SLK: variants seen among roughly 807,000 people sequenced by gnomAD.
SLK encodes the protein STE20-like serine/threonine-protein kinase.
In SLK, 67 loss-of-function variants were observed where a neutral mutation model predicts 147.7. That is an observed-to-expected ratio of 0.45 (90% CI 0.37 to 0.56). SLK has a LOEUF of 0.56. SLK is among the 20% of genes least tolerant of loss of function. The probability of loss-of-function intolerance (pLI) is 0.00; values close to 1 mark genes in which losing one functional copy is unlikely to be tolerated. For missense variants in SLK, 1,136 were observed against 1,438.8 expected (o/e 0.79, Z 3.41); for synonymous variants, 441 against 475.0 (o/e 0.93, Z 0.93).
At position 103,987,161 on chromosome 10, in the gene SLK, A is replaced by G. The variant is rs1174048269; in HGVS notation, c.151-3514A>G. Among the ~76,000 whole-genome samples the G allele has an allele frequency of 2.3e-4, 35 of 152,144 alleles. 1 individual carries two copies. Among genetic ancestry groups the G allele is most frequent in the Non-Finnish European group, 5.9e-5 (4 of 68,018 alleles). On this transcript the variant is annotated intron_variant, in intron 1 of 18. Coordinates refer to ENST00000369755, the MANE Select transcript of SLK (RefSeq NM_014720.4). ...AGTAATCATGTTATTTTCAAGCAAT[A>G]ATTTGAGGCACTATTCTTTTAATGT...
intron 14 of SLK, 32 bp from the exon 15 acceptor site, chr10:104,018,752 A>G: frequency 6.3e-7 from 1 of 1,589,052 alleles, no homozygotes; most frequent in South Asian, 1.2e-5. Context: ...AAAAAAGAGC[A>G]AAGTGACATT....
intron 4 of SLK, 61 bp from the exon 5 acceptor site, chr10:103,998,838 A>G (rs1302612329): frequency 2.5e-6 from 3 of 1,199,470 alleles, no homozygotes; most frequent in Admixed American, 1.9e-5. Flanking sequence ...TTTTCTCCCC[A>G]TTGAATACAA....
intron 1 of SLK, among the ~76,000 whole-genome samples, chr10:103,988,287 C>T (rs950235877): frequency 6.6e-6 from 1 of 152,152 alleles, no homozygotes; most frequent in African/African-American, 2.4e-5. Flanking sequence ...CTTGCATCTG[C>T]TATTTTTCAA....
Position 103,992,643 on chromosome 10 carries a change from C to A in SLK, c.361C>A (p.Leu121Ile). 2 of 915,856 alleles carry A rather than the reference C, an allele frequency of 2.2e-6. No homozygotes were observed. Among genetic ancestry groups the A allele is most frequent in the Non-Finnish European group, 2.9e-6 (2 of 683,430 alleles). 56.7% of individuals were successfully genotyped at this position (915,856 alleles called of 1,614,324 possible). The change falls in exon 3 of 19, where the codon CTT becomes ATT. Residue 121 changes from leucine (L) to isoleucine (I), a missense_variant. Transcript: ENST00000369755. ...AGGTGGAGCAGTAGATGCTGTGATG[C>A]TTGGTAAATACCTTTTTGTTCTTTC... ...CAGGAVDAVM[L>I]ELERPLTESQ...
chr10:103,998,046 A>G (rs954296941), intron 4 of SLK, among the ~76,000 whole-genome samples: 1 of 152,206 alleles, frequency 6.6e-6, no homozygotes, highest in East Asian at 1.9e-4. Flanking sequence ...CAACACAGAT[A>G]TATAGAACAA....
chr10:104,025,121 CTTATA>C (rs1254458873), intron 18 of SLK, among the ~76,000 whole-genome samples: 2 of 152,142 alleles, frequency 1.3e-5, no homozygotes, highest in Admixed American at 6.5e-5. Context: ...CTTTAAACAG[CTTATA>C]TTATAGTCTA....
intron 18 of SLK, among the ~76,000 whole-genome samples, chr10:104,024,487 C>T (rs900895974): frequency 6.6e-6 from 1 of 152,202 alleles, no homozygotes; most frequent in Non-Finnish European, 1.5e-5. Flanking sequence ...GTTCCCAGTC[C>T]AGGTTCCAGC....
chr10:103,998,999 G>A (rs1056962394), intron 5 of SLK, 28 bp downstream of exon 5: 1 of 1,559,798 alleles, frequency 6.4e-7, no homozygotes. Context: ...TGAATTTATA[G>A]TATTAGTCAT....
At chr10:103,971,928 A>G (rs1005706520) in intron 1 of SLK, among the ~76,000 whole-genome samples, 4 of 152,130 alleles carry the variant, frequency 2.6e-5, no homozygotes, top group Non-Finnish European at 5.9e-5. Context: ...CCACTATCCT[A>G]TCTTTAAGTT....
At chr10:104,007,381 A>G (rs543330939) in intron 11 of SLK, among the ~76,000 whole-genome samples, 31 of 152,156 alleles carry the variant, frequency 2.0e-4, no homozygotes, top group South Asian at 8.3e-4. Flanking sequence ...TGAAGTGGGC[A>G]GATCACTTGA....
In SLK at chr10:104,008,304, A is replaced by C; in HGVS notation, c.2732A>C (p.Gln911Pro). ...GAAGCCAAACGCATCAAAGGAGAAC[A>C]AGAGAAAGAGTTGTCCAAATTTCAG... ...RDEAKRIKGEQEKELSKFQNM... is the reference protein window; with the variant it reads ...RDEAKRIKGEPEKELSKFQNM... Residue 911 changes from glutamine to proline, a missense_variant, in exon 12 of 19, where the codon CAA becomes CCA. Transcript: ENST00000369755. 1 of 1,613,868 alleles carries C rather than the reference A, an allele frequency of 6.2e-7. No homozygotes were observed.
At chr10:103,976,634 A>G (rs1054611400) in intron 1 of SLK, among the ~76,000 whole-genome samples, 5 of 151,836 alleles carry the variant, frequency 3.3e-5, no homozygotes, top group African/African-American at 1.2e-4. Context: ...CACAAAATTC[A>G]CCCATATAAT....
At chr10:103,994,140 C>A (rs1433789742) in intron 4 of SLK, among the ~76,000 whole-genome samples, 1 of 152,128 alleles carries the variant, frequency 6.6e-6, no homozygotes, top group Non-Finnish European at 1.5e-5. Flanking sequence ...GCAAGTGATT[C>A]TTCTGCCTTG....
intron 18 of SLK, 39 bp downstream of exon 18, chr10:104,021,772 C>G: frequency 3.6e-6 from 4 of 1,121,430 alleles, no homozygotes; most frequent in Non-Finnish European, 5.4e-6. Flanking sequence ...TATGTGTGTA[C>G]TCGTCCGTCT....
At position 104,000,883 on chromosome 10, in the gene SLK, C is replaced by A. The variant is rs760678017; in HGVS notation, c.865-561C>A. ...GACCAGCCTGGCCAATATAGTGAAA[C>A]CCTGTCTCTACTAAAAATACAAAAA... is the stretch of plus-strand genomic sequence containing the variant. On this transcript the variant is annotated intron_variant, in intron 7 of 18. Coordinates refer to ENST00000369755, the MANE Select transcript of SLK (RefSeq NM_014720.4). 1.8e-4 allele frequency among the ~76,000 whole-genome samples: 28 copies of A among 151,684 alleles called. No individual in the cohort carries two copies. In the Middle Eastern group the frequency reaches 0.014, roughly 74 times the overall value.
chr10:103,982,915 C>T (rs560684814), intron 1 of SLK, among the ~76,000 whole-genome samples: 13 of 152,312 alleles, frequency 8.5e-5, no homozygotes, highest in African/African-American at 2.6e-4. Flanking sequence ...CCAAGTCTGA[C>T]ATCTGTTTTT....
At chr10:104,025,491 C>T in intron 18 of SLK, 83 bp from the exon 19 acceptor site, 1 of 1,334,174 alleles carries the variant, frequency 7.5e-7, no homozygotes, top group Non-Finnish European at 1.0e-6. Context: ...GTGTTTTGGA[C>T]AAGTAGTTTT....
At chr10:104,013,305 A>C (rs1473403497) in intron 13 of SLK, among the ~76,000 whole-genome samples, 1 of 152,240 alleles carries the variant, frequency 6.6e-6, no homozygotes, top group Non-Finnish European at 1.5e-5. Flanking sequence ...AGTCCCTAAG[A>C]CGGCAAGAAC....
chr10:104,015,133 T>G (rs180721342), intron 13 of SLK, among the ~76,000 whole-genome samples: 33 of 152,286 alleles, frequency 2.2e-4, no homozygotes, highest in South Asian at 2.1e-4. Context: ...AGCTTTAATA[T>G]AAAAAATCCT....
Sources: gnomAD v4.1 joint callset for allele counts (sites outside exome capture counted in the v4.1 genomes callset) on GRCh38, gnomAD v4.1.1 for gene constraint, MANE v1.5 for transcripts, NCBI Gene and HGNC (gene_info 2026-07-23, HGNC 2026-07-21) for gene names.